CPPED1: variants seen among roughly 807,000 people sequenced by gnomAD.
CPPED1 encodes serine/threonine-protein phosphatase CPPED1.
CPPED1 carries 28 observed loss-of-function variants against 28.0 expected under a neutral mutation model. The observed-to-expected ratio is 1.00, with a 90% CI of 0.74 to 1.37. The LOEUF is 1.37. Ranked by LOEUF, CPPED1 falls within the 40% of genes most tolerant of loss-of-function variation. CPPED1 has a pLI of 0.00. For synonymous variants in CPPED1, 198 were observed against 180.2 expected, an observed-to-expected ratio of 1.10 and a Z score of -0.79; for missense variants, 504 against 416.5, an observed-to-expected ratio of 1.21 and a Z score of -1.83.
At chr16:12,790,259 T>C (rs1384392540) in intron 1 of CPPED1, among the ~76,000 whole-genome samples, 1 of 152,256 alleles carries the variant, frequency 6.6e-6, no homozygotes, top group Non-Finnish European at 1.5e-5. Flanking sequence ...ACTAAATGTT[T>C]TCTTGGATTT....
chr16:12,727,881 C>T (rs903329112), intron 2 of CPPED1, among the ~76,000 whole-genome samples: 1 of 152,174 alleles, frequency 6.6e-6, no homozygotes, highest in Non-Finnish European at 1.5e-5. Flanking sequence ...TCATCTTCAC[C>T]TTACAAATGT....
chr16:12,710,443 T>C (rs1167116938), intron 2 of CPPED1, among the ~76,000 whole-genome samples: 1 of 149,548 alleles, frequency 6.7e-6, no homozygotes, highest in Admixed American at 6.6e-5. Context: ...ATTTGATGTA[T>C]TGTTACAGGC....
chr16:12,801,603 G>A (rs1440769220), intron 1 of CPPED1, among the ~76,000 whole-genome samples: 1 of 151,928 alleles, frequency 6.6e-6, no homozygotes, highest in Non-Finnish European at 1.5e-5. Context: ...TAGCTTGTAG[G>A]TATATGCCTC....
intron 1 of CPPED1, among the ~76,000 whole-genome samples, chr16:12,784,565 A>C (rs2080551783): frequency 6.6e-6 from 1 of 152,144 alleles, no homozygotes; most frequent in Admixed American, 6.5e-5. Flanking sequence ...GAAAAAAAAA[A>C]AAAACTGAGA....
At chr16:12,759,089 A>T (rs1481645197) in intron 2 of CPPED1, among the ~76,000 whole-genome samples, 1 of 150,528 alleles carries the variant, frequency 6.6e-6, no homozygotes, top group Non-Finnish European at 1.5e-5. Flanking sequence ...CTTGAGCCCA[A>T]GAAGTAGAGG....
At chr16:12,694,756 G>A (rs890722811) in intron 3 of CPPED1, among the ~76,000 whole-genome samples, 2 of 144,304 alleles carry the variant, frequency 1.4e-5, no homozygotes, top group Non-Finnish European at 3.0e-5. Context: ...GGGCATGAGT[G>A]TGAGATAGTT....
chr16:12,787,151 C>G lies in CPPED1; in HGVS notation c.71-5748G>C, dbSNP rs1308750224. On this transcript the variant is annotated intron_variant, in intron 1 of 3. Coordinates refer to ENST00000381774, the MANE Select transcript of CPPED1 (RefSeq NM_018340.3). ...CCCAGTCAGGGGCCCTAACTGATGA[C>G]TATGATGAAAACCAAGGTCAAATTT... Among the ~76,000 whole-genome samples, 3 of 151,918 alleles carry G rather than the reference C, an allele frequency of 2.0e-5. No individual in the cohort carries two copies. In the South Asian group the frequency reaches 6.2e-4, roughly 32 times the overall value.
At chr16:12,762,539 G>A (rs1003168173) in intron 2 of CPPED1, among the ~76,000 whole-genome samples, 2 of 152,128 alleles carry the variant, frequency 1.3e-5, no homozygotes, top group African/African-American at 4.8e-5. Context: ...GCTACAACAT[G>A]GATAAACCCT....
chr16:12,747,126 C>T (rs2080294453), intron 2 of CPPED1, among the ~76,000 whole-genome samples: 1 of 150,630 alleles, frequency 6.6e-6, no homozygotes, highest in Non-Finnish European at 1.5e-5. Flanking sequence ...GGTTTGAATT[C>T]TACCAATAGA....
At chr16:12,781,153 GAAA>G in intron 2 of CPPED1, 29 bp downstream of exon 2, 5 of 1,588,002 alleles carry the variant, frequency 3.1e-6, no homozygotes, top group Non-Finnish European at 4.3e-6. Context: ...GGCTGAAGGA[GAAA>G]AGGTCACAAG....
At chr16:12,699,372 G>A (rs904434621) in intron 3 of CPPED1, among the ~76,000 whole-genome samples, 2 of 151,958 alleles carry the variant, frequency 1.3e-5, no homozygotes, top group Non-Finnish European at 2.9e-5. Context: ...GTAGAAACAG[G>A]ATGCATCTGT....
chr16:12,734,481 A>G (rs906870378), intron 2 of CPPED1, among the ~76,000 whole-genome samples: 4 of 151,438 alleles, frequency 2.6e-5, no homozygotes, highest in Admixed American at 2.6e-4. Flanking sequence ...CTGGGTTCAC[A>G]CCATTCTCCT....
At chr16:12,790,607 C>T (rs1389815851) in intron 1 of CPPED1, among the ~76,000 whole-genome samples, 1 of 152,112 alleles carries the variant, frequency 6.6e-6, no homozygotes, top group East Asian at 1.9e-4. Context: ...AAATAGCTTT[C>T]TTAACTTGAT....
intron 3 of CPPED1, among the ~76,000 whole-genome samples, chr16:12,667,705 A>G (rs955949367): frequency 6.6e-5 from 10 of 152,230 alleles, no homozygotes; most frequent in African/African-American, 2.2e-4. Context: ...ACCCAGACAC[A>G]AGCAATAGGA....
At chr16:12,700,099 G>A (rs1199278326) in intron 3 of CPPED1, among the ~76,000 whole-genome samples, 1 of 152,180 alleles carries the variant, frequency 6.6e-6, no homozygotes. Flanking sequence ...TTCTGTGTTT[G>A]GAAGGTCATT....
At chr16:12,786,881 C>G (rs1241285851) in intron 1 of CPPED1, among the ~76,000 whole-genome samples, 1 of 152,194 alleles carries the variant, frequency 6.6e-6, no homozygotes, top group Non-Finnish European at 1.5e-5. Flanking sequence ...CACTGCACTC[C>G]AGCCTGGGTG....
intron 2 of CPPED1, among the ~76,000 whole-genome samples, chr16:12,724,157 C>G (rs561489445): frequency 2.0e-5 from 3 of 152,292 alleles, no homozygotes; most frequent in African/African-American, 7.2e-5. Context: ...TCACAGACAC[C>G]TCCTGTGTTC....
At chr16:12,734,742 C>T (rs1255927097) in intron 2 of CPPED1, among the ~76,000 whole-genome samples, 1 of 152,168 alleles carries the variant, frequency 6.6e-6, no homozygotes, top group African/African-American at 2.4e-5. Context: ...TATGAGTCTA[C>T]AGGGTTCCCA....
At chr16:12,673,323 C>G (rs1407164441) in intron 3 of CPPED1, among the ~76,000 whole-genome samples, 1 of 152,214 alleles carries the variant, frequency 6.6e-6, no homozygotes, top group Admixed American at 6.5e-5. Flanking sequence ...CCTGGGGGAA[C>G]GCTGAACGGC....
Sources: gnomAD v4.1 joint callset for allele counts (sites outside exome capture counted in the v4.1 genomes callset) on GRCh38, gnomAD v4.1.1 for gene constraint, MANE v1.5 for transcripts, NCBI Gene and HGNC (gene_info 2026-07-23, HGNC 2026-07-21) for gene names.